Variants in CRCP observed in about 807,000 individuals in gnomAD.
CRCP encodes the protein CGRP receptor component, also known as DNA-directed RNA polymerase III subunit RPC9.
In CRCP, 18 loss-of-function variants were observed where a neutral mutation model predicts 18.5. That is an observed-to-expected ratio of 0.97 (90% CI 0.67 to 1.44). The LOEUF (loss-of-function observed/expected upper bound fraction) is 1.44, where lower values mean the gene tolerates loss of function less well. Among genes scored for constraint, CRCP ranks in the 40% most tolerant of loss-of-function variants. CRCP has a pLI of 0.00. For synonymous variants in CRCP, 53 were observed against 62.9 expected, an observed-to-expected ratio of 0.84 and a Z score of 0.75; for missense variants, 130 against 176.4, an observed-to-expected ratio of 0.74 and a Z score of 1.49.
At chr7:66,134,573 AAAGT>A (rs1787916670) in intron 4 of CRCP, 199 bp downstream of exon 4, 2 of 444,462 alleles carry the variant, frequency 4.5e-6, no homozygotes, top group Non-Finnish European at 7.9e-6. Flanking sequence ...ATAAATGAAG[AAAGT>A]TCATTTATCC....
intron 2 of CRCP, among the ~76,000 whole-genome samples, chr7:66,129,055 C>T (rs1018720440): frequency 6.6e-6 from 1 of 152,106 alleles, no homozygotes; most frequent in South Asian, 2.1e-4. Context: ...AATTAGCGGC[C>T]GGGCGCGGTG....
chr7:66,114,922 T>C lies in CRCP; in HGVS notation c.-41T>C, dbSNP rs1452217339. The C allele has an allele frequency of 6.2e-7, 1 of 1,611,168 alleles. No homozygotes were observed. Among genetic ancestry groups the C allele is most frequent in the African/African-American group, 1.3e-5 (1 of 74,940 alleles). On this transcript the variant is annotated 5_prime_UTR_variant, in exon 1 of 6. Transcript: ENST00000395326. ...CGGAGACAGCTGTGAAGTGTGAGGT[T>C]CTTTGTCTGCTGGCAGCTAGGGGCG...
intron 4 of CRCP, among the ~76,000 whole-genome samples, chr7:66,135,769 A>G (rs942859990): frequency 2.0e-5 from 3 of 152,092 alleles, no homozygotes; most frequent in South Asian, 4.1e-4. Flanking sequence ...TAAAAATACA[A>G]AATTAGCTGG....
intron 3 of CRCP, among the ~76,000 whole-genome samples, chr7:66,131,680 A>T (rs536151727): frequency 2.0e-5 from 3 of 152,242 alleles, no homozygotes; most frequent in Non-Finnish European, 4.4e-5. Flanking sequence ...CTTCCTCAAA[A>T]GCCACAAAAT....
Position 66,134,449 on chromosome 7 carries a change from A to G in CRCP, c.239+75A>G, listed in dbSNP as rs139396430. 4.0e-4 allele frequency: 422 copies of G among 1,065,396 alleles called. 1 individual carries two copies. In the African/African-American group the frequency reaches 6.2e-3, roughly 16 times the overall value. The allele number at this position is 1,065,396 out of a possible 1,614,324, so 66.0% of individuals were successfully genotyped here. A position where few individuals can be genotyped will look rare whatever the true frequency, so the allele number is the denominator to read the frequency against. On this transcript the variant is annotated intron_variant, in intron 4 of 5. Coordinates refer to ENST00000395326, the MANE Select transcript of CRCP (RefSeq NM_014478.5). ...GTTGCTACATTCGTAGCAACCGTGT[A>G]TTGATATTCGGCTGGGTTTGGATTT...
chr7:66,133,014 A>G (rs1161976878), intron 3 of CRCP, among the ~76,000 whole-genome samples: 2 of 152,098 alleles, frequency 1.3e-5, no homozygotes, highest in Non-Finnish European at 2.9e-5. Flanking sequence ...TCTTGAAGGG[A>G]GGGATATCGA....
intron 1 of CRCP, among the ~76,000 whole-genome samples, chr7:66,126,116 T>A (rs1365589995): frequency 2.0e-5 from 3 of 149,614 alleles, no homozygotes; most frequent in African/African-American, 7.3e-5. Context: ...AGCACTTTTG[T>A]GAAATCGTAG....
intron 1 of CRCP, among the ~76,000 whole-genome samples, chr7:66,117,165 G>T: frequency 6.7e-6 from 1 of 149,854 alleles, no homozygotes; most frequent in East Asian, 1.9e-4. Flanking sequence ...GTCAAATTCA[G>T]AGGTTGATTT....
At chr7:66,127,947 C>G (rs533573075) in intron 2 of CRCP, among the ~76,000 whole-genome samples, 1 of 151,968 alleles carries the variant, frequency 6.6e-6, no homozygotes, top group African/African-American at 2.4e-5. Context: ...CCAGTCTCTA[C>G]TAAAAAATAC....
At position 66,132,123 on chromosome 7, in the gene CRCP, G is replaced by GTTAATA. The variant is rs1787827534; in HGVS notation, c.144+1283_144+1284insAATATT. On this transcript the variant is annotated intron_variant, in intron 3 of 5. Transcript: ENST00000395326. ...GGAGTTCTCATGTACCCTTCCCATA[G>GTTAATA]TTTTCTCTGATGTTAATATCTTACA... 3.3e-5 allele frequency among the ~76,000 whole-genome samples: 5 copies of GTTAATA among 152,356 alleles called. No individual in the cohort carries two copies. In the East Asian group the frequency reaches 5.8e-4, roughly 18 times the overall value.
intron 5 of CRCP, among the ~76,000 whole-genome samples, chr7:66,147,929 G>A (rs1033873707): frequency 5.9e-5 from 9 of 152,182 alleles, no homozygotes; most frequent in East Asian, 1.9e-4. Flanking sequence ...GTATGGTGGC[G>A]CACACCTGTG....
intron 4 of CRCP, among the ~76,000 whole-genome samples, chr7:66,139,538 C>T (rs1399262881): frequency 6.6e-6 from 1 of 152,164 alleles, no homozygotes; most frequent in African/African-American, 2.4e-5. Context: ...GTATCCTGGA[C>T]ATTTGAGTAT....
chr7:66,146,446 TA>T (rs34812276), intron 5 of CRCP, among the ~76,000 whole-genome samples: 175 of 144,398 alleles, frequency 1.2e-3, no homozygotes, highest in Non-Finnish European at 1.1e-3. Context: ...ATTGCCAGTT[TA>T]AAAAAAAAAA....
At chr7:66,151,744 T>C (rs1788477110) in intron 5 of CRCP, among the ~76,000 whole-genome samples, 1 of 127,598 alleles carries the variant, frequency 7.8e-6, no homozygotes, top group Admixed American at 8.9e-5. Flanking sequence ...TTTTCCTTTT[T>C]TTCTTTTCTT....
At chr7:66,149,350 C>CA (rs1463722801) in intron 5 of CRCP, among the ~76,000 whole-genome samples, 2 of 151,730 alleles carry the variant, frequency 1.3e-5, no homozygotes, top group African/African-American at 4.8e-5. Context: ...CCCATCTCTA[C>CA]AAAAAATAAT....
chr7:66,143,283 C>T (rs771365574), intron 4 of CRCP, among the ~76,000 whole-genome samples: 1 of 152,208 alleles, frequency 6.6e-6, no homozygotes, highest in Non-Finnish European at 1.5e-5. Flanking sequence ...CTTCCCAAAT[C>T]GCTGCCAGCA....
At chr7:66,122,951 CTTTCTT>C (rs201666384) in intron 1 of CRCP, among the ~76,000 whole-genome samples, 1,862 of 125,382 alleles carry the variant, frequency 0.015, 39 homozygotes, top group East Asian at 0.088. Flanking sequence ...TTCTTTCTTT[CTTTCTT>C]TTTTTTTTTT....
intron 4 of CRCP, among the ~76,000 whole-genome samples, chr7:66,139,921 C>G (rs1022933041): frequency 2.0e-5 from 3 of 152,230 alleles, no homozygotes; most frequent in African/African-American, 7.2e-5. Context: ...ACATGATACC[C>G]CCTTTTGGGT....
chr7:66,145,797 G>A (rs1788274564), intron 5 of CRCP, among the ~76,000 whole-genome samples: 1 of 152,202 alleles, frequency 6.6e-6, no homozygotes, highest in Non-Finnish European at 1.5e-5. Flanking sequence ...TTGCCAACCA[G>A]ATGTTGCATA....
Sources: allele counts gnomAD v4.1 joint callset (sites outside exome capture counted in the v4.1 genomes callset), GRCh38; gene constraint gnomAD v4.1.1; transcripts MANE v1.5; gene names NCBI Gene and HGNC (gene_info 2026-07-23, HGNC 2026-07-21).